ATP6V0D2: variants seen among roughly 807,000 people sequenced by gnomAD.
ATP6V0D2 encodes ATPase H+ transporting V0 subunit d2, also known as V-type proton ATPase subunit d 2.
A neutral mutation model predicts 40.0 loss-of-function variants in ATP6V0D2; 40 were observed. The observed-to-expected ratio is 1.00, with a 90% CI of 0.78 to 1.30. ATP6V0D2 has a LOEUF of 1.30. Among genes scored for constraint, ATP6V0D2 ranks in the 50% most tolerant of loss-of-function variants. The probability of loss-of-function intolerance (pLI) is 0.00; values close to 1 mark genes in which losing one functional copy is unlikely to be tolerated. For synonymous variants in ATP6V0D2, 179 were observed against 156.3 expected, an observed-to-expected ratio of 1.15 and a Z score of -1.08; for missense variants, 470 against 423.1, an observed-to-expected ratio of 1.11 and a Z score of -0.97.
At chr8:86,142,993 G>T (rs1386030564) in intron 5 of ATP6V0D2, 39 bp downstream of exon 5, 1 of 1,409,168 alleles carries the variant, frequency 7.1e-7, no homozygotes, top group East Asian at 2.3e-5. Context: ...GCTAAATAAG[G>T]TGCTTACATA....
At chr8:86,143,017 A>G in intron 5 of ATP6V0D2, 63 bp downstream of exon 5, 3 of 1,184,758 alleles carry the variant, frequency 2.5e-6, no homozygotes, top group Non-Finnish European at 3.6e-6. Context: ...TTATTGTTTT[A>G]ACCTTACTTA....
At chr8:86,147,870 C>T (rs192423256) in intron 5 of ATP6V0D2, among the ~76,000 whole-genome samples, 2 of 152,058 alleles carry the variant, frequency 1.3e-5, no homozygotes, top group Non-Finnish European at 2.9e-5. Context: ...AAGGAGGTAG[C>T]GAGAAGATGG....
chr8:86,131,176 G>A (rs1818821000), intron 2 of ATP6V0D2, among the ~76,000 whole-genome samples: 1 of 151,706 alleles, frequency 6.6e-6, no homozygotes, highest in East Asian at 1.9e-4. Context: ...AATATATTAT[G>A]TCAATTTTAT....
At chr8:86,116,491 C>A (rs139341886) in intron 2 of ATP6V0D2, among the ~76,000 whole-genome samples, 5 of 152,134 alleles carry the variant, frequency 3.3e-5, no homozygotes, top group Non-Finnish European at 7.3e-5. Context: ...TAGACGTGCA[C>A]CATCATGCCT....
intron 2 of ATP6V0D2, among the ~76,000 whole-genome samples, chr8:86,133,733 T>C (rs1180589506): frequency 6.6e-6 from 1 of 152,062 alleles, no homozygotes; most frequent in African/African-American, 2.4e-5. Context: ...ATGTCTACCC[T>C]TACCCGGCTG....
At chr8:86,122,942 C>A (rs79776104) in intron 2 of ATP6V0D2, among the ~76,000 whole-genome samples, 255 of 152,254 alleles carry the variant, frequency 1.7e-3, no homozygotes, top group African/African-American at 5.8e-3. Flanking sequence ...CACTAAGTCT[C>A]TAAATAAAAG....
intron 2 of ATP6V0D2, among the ~76,000 whole-genome samples, chr8:86,121,017 A>G (rs778815367): frequency 6.6e-6 from 1 of 152,190 alleles, no homozygotes; most frequent in African/African-American, 2.4e-5. Context: ...TGAGGTGCAC[A>G]TCTGATTTAA....
intron 2 of ATP6V0D2, among the ~76,000 whole-genome samples, chr8:86,126,262 A>ATATATATATATATATAT (rs1191399026): frequency 1.5e-5 from 2 of 131,336 alleles, no homozygotes; most frequent in African/African-American, 2.8e-5. Flanking sequence ...ATATATATAT[A>ATATATATATATATATAT]TCTTTTTGTA....
intron 1 of ATP6V0D2, among the ~76,000 whole-genome samples, chr8:86,105,719 A>T (rs1298702333): frequency 7.0e-6 from 1 of 142,492 alleles, no homozygotes; most frequent in African/African-American, 2.6e-5. Flanking sequence ...GGTTCATGCC[A>T]TTCTCCTGCC....
intron 2 of ATP6V0D2, among the ~76,000 whole-genome samples, chr8:86,121,578 A>AAGG (rs562798784): frequency 0.012 from 1,243 of 107,312 alleles, 6 homozygotes; most frequent in South Asian, 0.032. Context: ...ATTTCAAAAG[A>AAGG]AGGAGGAGGA....
intron 2 of ATP6V0D2, among the ~76,000 whole-genome samples, chr8:86,115,277 A>C (rs886928564): frequency 2.0e-5 from 3 of 151,864 alleles, no homozygotes; most frequent in African/African-American, 7.3e-5. Context: ...GGAGCAGGGA[A>C]TGAAAAGAAT....
At chr8:86,126,236 CTATATATATATA>C (rs60590702) in intron 2 of ATP6V0D2, among the ~76,000 whole-genome samples, 8 of 77,150 alleles carry the variant, frequency 1.0e-4, no homozygotes, top group East Asian at 6.8e-4. Context: ...CGTGCTCAGC[CTATATATATATA>C]TATATATATA....
chr8:86,119,335 TCTC>T (rs1818638756), intron 2 of ATP6V0D2, among the ~76,000 whole-genome samples: 1 of 149,596 alleles, frequency 6.7e-6, no homozygotes, highest in African/African-American at 2.5e-5. Context: ...TTCAAGTAAT[TCTC>T]CTGCTTCAGC....
intron 1 of ATP6V0D2, among the ~76,000 whole-genome samples, chr8:86,102,134 A>G (rs1469914669): frequency 6.6e-6 from 1 of 152,172 alleles, no homozygotes; most frequent in Non-Finnish European, 1.5e-5. Context: ...CTGAGTATAA[A>G]TTGAAGATAT....
intron 5 of ATP6V0D2, among the ~76,000 whole-genome samples, chr8:86,149,139 A>G (rs1269662833): frequency 4.0e-5 from 6 of 150,720 alleles, no homozygotes; most frequent in Non-Finnish European, 8.9e-5. Flanking sequence ...AAATGCAGGC[A>G]CAGATTTCAA....
chr8:86,138,084 A>G (rs12056544), intron 2 of ATP6V0D2, among the ~76,000 whole-genome samples: 26,172 of 152,136 alleles, frequency 0.17, 2,552 homozygotes, highest in East Asian at 0.33. Flanking sequence ...TTCGGGGCCC[A>G]ACATGCTCAG....
chr8:86,143,894 C>G (rs911293676), intron 5 of ATP6V0D2, among the ~76,000 whole-genome samples: 3 of 152,090 alleles, frequency 2.0e-5, no homozygotes, highest in Admixed American at 6.6e-5. Context: ...GAACATTGGG[C>G]AGCTGGGAAC....
intron 5 of ATP6V0D2, among the ~76,000 whole-genome samples, chr8:86,145,526 T>C (rs1819057829): frequency 6.6e-6 from 1 of 152,212 alleles, no homozygotes; most frequent in African/African-American, 2.4e-5. Flanking sequence ...TTCTTGTTCT[T>C]ATCTATATTA....
chr8:86,132,994 ATTGT>A (rs1818847345), intron 2 of ATP6V0D2, among the ~76,000 whole-genome samples: 1 of 151,978 alleles, frequency 6.6e-6, no homozygotes, highest in African/African-American at 2.4e-5. Flanking sequence ...AGCATATTTT[ATTGT>A]TTGTCTTTTT....
Sources: allele counts gnomAD v4.1 joint callset (sites outside exome capture counted in the v4.1 genomes callset), GRCh38; gene constraint gnomAD v4.1.1; transcripts MANE v1.5; gene names NCBI Gene and HGNC (gene_info 2026-07-23, HGNC 2026-07-21).